Variants in TSC22D1 observed in about 807,000 individuals in gnomAD.
The protein encoded by TSC22D1 is TSC22 domain family protein 1.
Under a neutral mutation model 74.2 loss-of-function variants are expected in TSC22D1, and 9 were observed. That is an observed-to-expected ratio of 0.12 (90% confidence interval 0.07 to 0.21). The LOEUF is 0.21. TSC22D1 is among the 10% of genes least tolerant of loss of function. The pLI is 1.00. For missense variants in TSC22D1, 1,427 were observed against 1,304.7 expected, an observed-to-expected ratio of 1.09 and a Z score of -1.44; for synonymous variants, 586 against 492.5, an observed-to-expected ratio of 1.19 and a Z score of -2.51.
intron 1 of TSC22D1, among the ~76,000 whole-genome samples, chr13:44,524,345 C>T (rs1336747788): frequency 1.3e-5 from 2 of 151,232 alleles, no homozygotes; most frequent in South Asian, 2.1e-4. Context: ...GATCACAGGA[C>T]AATCTGCTGC....
At chr13:44,489,807 G>A (rs1878618453) in intron 1 of TSC22D1, among the ~76,000 whole-genome samples, 1 of 151,962 alleles carries the variant, frequency 6.6e-6, no homozygotes, top group Non-Finnish European at 1.5e-5. Flanking sequence ...CAGCAATAAG[G>A]GAAATGCAAT....
At chr13:44,554,772 G>C (rs1311751847) in intron 1 of TSC22D1, among the ~76,000 whole-genome samples, 1 of 151,838 alleles carries the variant, frequency 6.6e-6, no homozygotes, top group African/African-American at 2.4e-5. Context: ...AGGACACAGT[G>C]ACCCTGACCG....
chr13:44,569,211 A>G (rs1303579135), intron 1 of TSC22D1, among the ~76,000 whole-genome samples: 1 of 152,244 alleles, frequency 6.6e-6, no homozygotes, highest in Non-Finnish European at 1.5e-5. Context: ...ATTGAACCAT[A>G]AAGAGGATAA....
At chr13:44,475,423 C>T (rs1877852772) in intron 1 of TSC22D1, among the ~76,000 whole-genome samples, 1 of 145,878 alleles carries the variant, frequency 6.9e-6, no homozygotes, top group Non-Finnish European at 1.5e-5. Flanking sequence ...AGGAAACTGG[C>T]AGGGTGGGAG....
chr13:44,437,327 G>C, intron 1 of TSC22D1: 1 of 908,324 alleles, frequency 1.1e-6, no homozygotes, highest in Non-Finnish European at 1.3e-6. Context: ...CAATTATCTA[G>C]TTCTTACCGG....
chr13:44,550,359 A>G (rs1264743077), intron 1 of TSC22D1, among the ~76,000 whole-genome samples: 1 of 152,112 alleles, frequency 6.6e-6, no homozygotes, highest in Non-Finnish European at 1.5e-5. Context: ...GGGTGGGTGG[A>G]TCACCTGAGG....
chr13:44,502,037 T>A (rs528614451), intron 1 of TSC22D1, among the ~76,000 whole-genome samples: 1 of 152,326 alleles, frequency 6.6e-6, no homozygotes, highest in South Asian at 2.1e-4. Context: ...CATCTCTTTC[T>A]CATTAGAAGT....
chr13:44,451,976 C>T (rs1482373691), intron 1 of TSC22D1, among the ~76,000 whole-genome samples: 1 of 152,234 alleles, frequency 6.6e-6, no homozygotes, highest in Admixed American at 6.5e-5. Context: ...CCCAGCCCCA[C>T]ATCAGGGACT....
At position 44,573,214 on chromosome 13, in the gene TSC22D1, G is replaced by T; in HGVS notation, c.2861C>A (p.Pro954Gln). ...TGTCGTCAGCGGTAGCACCTTCAAC[G>T]GGAAAAGAGAAGCAGAGGCTGCTAG... ...SSLAASASLF[P>Q]LKVLPLTTPL... is the part of the protein sequence containing the mutation. Residue 954 changes from proline to glutamine, a missense_variant, in exon 1 of 3, where the codon CCG becomes CAG. Physicochemically the swap from Pro to Gln is moderately conservative, Grantham distance 76. Around this residue, in one of 3 missense-constraint regions of TSC22D1, gnomAD observed 1,343 missense variants for 1,191.5 expected, o/e 1.13. Transcript: ENST00000458659. The T allele has an allele frequency of 6.2e-7, 1 of 1,614,178 alleles. No individual in the cohort carries two copies. Among genetic ancestry groups the T allele is most frequent in the Admixed American group, 1.7e-5 (1 of 60,022 alleles).
At chr13:44,509,975 A>T (rs1040010345) in intron 1 of TSC22D1, among the ~76,000 whole-genome samples, 1 of 140,010 alleles carries the variant, frequency 7.1e-6, no homozygotes, top group Admixed American at 7.1e-5. Context: ...AAAAAAAGCT[A>T]AAAAAAAAAA....
chr13:44,488,252 G>A (rs946955362), intron 1 of TSC22D1, among the ~76,000 whole-genome samples: 4 of 152,112 alleles, frequency 2.6e-5, no homozygotes, highest in African/African-American at 7.2e-5. Context: ...TACACACACA[G>A]CTATGAGGCC....
chr13:44,500,240 A>G (rs2137981043), intron 1 of TSC22D1, among the ~76,000 whole-genome samples: 1 of 151,984 alleles, frequency 6.6e-6, no homozygotes, highest in South Asian at 2.1e-4. Flanking sequence ...GCCATTATAT[A>G]TATTTAATTT....
At chr13:44,456,767 G>C (rs983560265) in intron 1 of TSC22D1, among the ~76,000 whole-genome samples, 3 of 152,244 alleles carry the variant, frequency 2.0e-5, no homozygotes, top group Non-Finnish European at 4.4e-5. Context: ...ATTGATATGA[G>C]AGCATAAGTG....
At chr13:44,565,080 G>A (rs1422265095) in intron 1 of TSC22D1, among the ~76,000 whole-genome samples, 8 of 152,092 alleles carry the variant, frequency 5.3e-5, no homozygotes, top group South Asian at 2.1e-4. Context: ...GAATGCAAGC[G>A]GAAATGTTAT....
rs770185937 is a variant in TSC22D1, at chr13:44,573,439, G to A, written c.2636C>T (p.Ala879Val). ...VQSVSQPPLI[A>V]TNTNLPLAQQ... is the part of the protein sequence containing the mutation. ...TGCCAAAGGCAAATTTGTATTAGTT[G>A]CTATCAAGGGAGGTTGACTAACACT... Residue 879 changes from alanine to valine, a missense_variant, in exon 1 of 3, where the codon GCA (alanine) becomes GTA (valine). Physicochemically the swap from Ala to Val is moderately conservative, Grantham distance 64. Around this residue, in one of 3 missense-constraint regions of TSC22D1, gnomAD observed 1,343 missense variants for 1,191.5 expected, o/e 1.13. Transcript: ENST00000458659. The A allele has an allele frequency of 5.0e-6, 8 of 1,614,248 alleles. No homozygotes were observed. Among genetic ancestry groups the A allele is most frequent in the Non-Finnish European group, 6.8e-6 (8 of 1,180,046 alleles).
intron 1 of TSC22D1, among the ~76,000 whole-genome samples, chr13:44,493,192 C>T (rs111809354): frequency 2.5e-4 from 38 of 152,280 alleles, no homozygotes; most frequent in African/African-American, 9.1e-4. Flanking sequence ...ATTTTGGTGG[C>T]ATTTTTACTT....
intron 1 of TSC22D1, among the ~76,000 whole-genome samples, chr13:44,482,301 G>A (rs1451547208): frequency 6.6e-6 from 1 of 152,164 alleles, no homozygotes; most frequent in Non-Finnish European, 1.5e-5. Context: ...TCGGGAGGCT[G>A]AGGCAAGTGG....
chr13:44,462,085 A>G (rs1171789449), intron 1 of TSC22D1, among the ~76,000 whole-genome samples: 2 of 152,232 alleles, frequency 1.3e-5, no homozygotes. Context: ...GACGCCAGGT[A>G]ATCAAAATGT....
At position 44,516,592 on chromosome 13, in the gene TSC22D1, G is replaced by T. The variant is rs150554844; in HGVS notation, c.2912+56571C>A. Among the ~76,000 whole-genome samples the T allele has an allele frequency of 1.4e-3, 204 of 150,982 alleles. 1 individual carries two copies. The highest frequency in any genetic ancestry group is 4.6e-3 in the African/African-American group (188 of 40,978). On this transcript the variant is annotated intron_variant, in intron 1 of 2. Coordinates refer to ENST00000458659, the MANE Select transcript of TSC22D1 (RefSeq NM_183422.4). ...TAAAGAAATATTCTTTTTATGGGGG[G>T]AAAAAAAAGCAAACTAATATTACAA... is the stretch of plus-strand genomic sequence containing the variant.
Sources: gnomAD v4.1 joint callset for allele counts (sites outside exome capture counted in the v4.1 genomes callset) on GRCh38, gnomAD v4.1.1 for gene constraint, gnomAD v4.1.1 regional missense constraint, MANE v1.5 for transcripts, NCBI Gene and HGNC (gene_info 2026-07-23, HGNC 2026-07-21) for gene names.